ADCY2: variants seen among roughly 807,000 people sequenced by gnomAD.
ADCY2 encodes the protein adenylate cyclase 2, also known as adenylate cyclase type 2.
ADCY2 carries 31 observed loss-of-function variants against 125.2 expected under a neutral mutation model. That is an observed-to-expected ratio of 0.25 (90% CI 0.19 to 0.33). ADCY2 has a LOEUF of 0.33. Ranked by LOEUF, ADCY2 falls within the 10% of genes least tolerant of loss-of-function variation. The pLI is 1.00. For missense variants in ADCY2, 904 were observed against 1,418.2 expected, an observed-to-expected ratio of 0.64 and a Z score of 5.82; for synonymous variants, 512 against 548.4, an observed-to-expected ratio of 0.93 and a Z score of 0.93.
chr5:7,472,436 T>TAA (rs1742375809), intron 2 of ADCY2, among the ~76,000 whole-genome samples: 1 of 152,198 alleles, frequency 6.6e-6, no homozygotes, highest in African/African-American at 2.4e-5. Context: ...TCCAGTAGTC[T>TAA]TTAATATATT....
At chr5:7,822,517 T>C (rs546089053) in intron 24 of ADCY2, among the ~76,000 whole-genome samples, 2 of 152,166 alleles carry the variant, frequency 1.3e-5, no homozygotes, top group African/African-American at 4.8e-5. Context: ...GATACCAAGG[T>C]TTTATGGTCC....
In ADCY2 at chr5:7,827,547, AT is replaced by A. The variant is rs942011182; in HGVS notation, c.*677del. The A allele has an allele frequency of 1.3e-5, 2 of 152,384 alleles. No individual in the cohort carries two copies. Among genetic ancestry groups the A allele is most frequent in the African/African-American group, 4.8e-5 (2 of 41,470 alleles). 9.4% of individuals were successfully genotyped at this position (152,384 alleles called of 1,614,324 possible). On this transcript the variant is annotated 3_prime_UTR_variant, in exon 25 of 25. Coordinates refer to ENST00000338316, the MANE Select transcript of ADCY2 (RefSeq NM_020546.3). ...ATGTACTTTGATTTACAGTGCCTGT[AT>A]CTTTTATTTTCCTGTCTTCTTTCTC...
chr5:7,680,251 T>C (rs546534677), intron 4 of ADCY2, among the ~76,000 whole-genome samples: 1 of 152,292 alleles, frequency 6.6e-6, no homozygotes. Context: ...TAAAGGGTAC[T>C]AAAGTCTAGT....
At chr5:7,608,244 T>C (rs751256839) in intron 3 of ADCY2, among the ~76,000 whole-genome samples, 10 of 152,188 alleles carry the variant, frequency 6.6e-5, no homozygotes, top group Non-Finnish European at 1.3e-4. Flanking sequence ...TATCCAAAGA[T>C]CACCTGTGAG....
At position 7,727,193 on chromosome 5, in the gene ADCY2, G is replaced by C; in HGVS notation, c.1803G>C (p.Lys601Asn). 6.2e-7 allele frequency: 1 copy of C among 1,614,132 alleles called. No homozygotes were observed. Among genetic ancestry groups the C allele is most frequent in the Non-Finnish European group, 8.5e-7 (1 of 1,180,008 alleles). ...EYRATALPAFKYYVTCACLIF... is the reference protein window; with the variant it reads ...EYRATALPAFNYYVTCACLIF... ...GGGCCACGGCACTGCCAGCGTTCAAGTATTATGTGACTTGTGCCTGTCTCA... is the reference window on the plus strand; with the variant it reads ...GGGCCACGGCACTGCCAGCGTTCAACTATTATGTGACTTGTGCCTGTCTCA... The change falls in exon 14 of 25, where the codon AAG becomes AAC. Residue 601 changes from lysine to asparagine, a missense_variant. Lys to Asn is a moderately conservative substitution (Grantham distance 94). Transcript: ENST00000338316.
At chr5:7,804,034 G>T (rs945637252) in intron 21 of ADCY2, among the ~76,000 whole-genome samples, 5 of 139,692 alleles carry the variant, frequency 3.6e-5, no homozygotes, top group African/African-American at 1.4e-4. Flanking sequence ...TCCCATGGAG[G>T]GGGGAAAGAG....
Position 7,762,119 on chromosome 5 carries a change from G to A in ADCY2, c.2094+4533G>A, listed in dbSNP as rs567634833. 4.1e-4 allele frequency among the ~76,000 whole-genome samples: 62 copies of A among 152,306 alleles called. 1 individual carries two copies. Among genetic ancestry groups the A allele is most frequent in the African/African-American group, 1.4e-3 (58 of 41,560 alleles). On this transcript the variant is annotated intron_variant, in intron 16 of 24. Transcript: ENST00000338316. ...CCCACTTTTCCTGTCTATCGATTAA[G>A]GGGGAGAAGAAATCAGAGCTGCTCA...
chr5:7,555,770 G>A (rs1735489421), intron 3 of ADCY2, among the ~76,000 whole-genome samples: 1 of 151,440 alleles, frequency 6.6e-6, no homozygotes, highest in African/African-American at 2.4e-5. Context: ...TTATACATAT[G>A]TTTTCATAAT....
chr5:7,466,383 T>C (rs928350126), intron 2 of ADCY2, among the ~76,000 whole-genome samples: 5 of 152,190 alleles, frequency 3.3e-5, no homozygotes, highest in African/African-American at 1.2e-4. Context: ...CCTAGATCCC[T>C]TACACATTAA....
intron 18 of ADCY2, among the ~76,000 whole-genome samples, chr5:7,777,450 A>G (rs896670961): frequency 1.3e-5 from 2 of 152,244 alleles, no homozygotes; most frequent in African/African-American, 4.8e-5. Flanking sequence ...AGAGCCTGAC[A>G]CCAGCTTCCT....
chr5:7,505,542 G>A (rs938884378), intron 2 of ADCY2, among the ~76,000 whole-genome samples: 2 of 152,240 alleles, frequency 1.3e-5, no homozygotes, highest in African/African-American at 4.8e-5. Flanking sequence ...GACTGTGCAG[G>A]AAGATGTTAT....
At chr5:7,610,742 C>T (rs1579233499) in intron 3 of ADCY2, among the ~76,000 whole-genome samples, 1 of 152,114 alleles carries the variant, frequency 6.6e-6, no homozygotes, top group Non-Finnish European at 1.5e-5. Context: ...AGCACGGTGG[C>T]TTAGACTCCC....
intron 3 of ADCY2, 106 bp from the exon 4 acceptor site, chr5:7,626,060 TC>T (rs1159770650): frequency 1.6e-6 from 2 of 1,238,318 alleles, no homozygotes; most frequent in Admixed American, 2.4e-5. Flanking sequence ...AAAATTAACT[TC>T]CTGCAGTTAT....
At position 7,802,167 on chromosome 5, in the gene ADCY2, T is replaced by C; in HGVS notation, c.2629-51T>C. On this transcript the variant is annotated intron_variant, in intron 20 of 24. Transcript: ENST00000338316. The surrounding 1 kb of genome is among the most constrained non-coding windows in gnomAD (Gnocchi z 4.6). ...AAGCCACTTGCCTGTGGAGTGTTTC[T>C]GTTTAAAGGTCAGTCTCCTAGTGAT... is the stretch of plus-strand genomic sequence containing the variant. 1 of 1,590,236 alleles carries C rather than the reference T, an allele frequency of 6.3e-7. No individual in the cohort carries two copies. Among genetic ancestry groups the C allele is most frequent in the East Asian group, 2.2e-5 (1 of 44,638 alleles).
At chr5:7,747,218 C>T (rs1011359247) in intron 15 of ADCY2, among the ~76,000 whole-genome samples, 5 of 152,196 alleles carry the variant, frequency 3.3e-5, no homozygotes, top group African/African-American at 1.2e-4. Flanking sequence ...TGGGCCCAGC[C>T]ACCGGGCACC....
intron 1 of ADCY2, 143 bp from the exon 2 acceptor site, chr5:7,414,430 A>T: frequency 1.6e-6 from 1 of 625,954 alleles, no homozygotes; most frequent in East Asian, 3.0e-5. Context: ...TTAAATGTTC[A>T]AACTGTTCTA....
At chr5:7,723,331 A>G (rs1346713417) in intron 12 of ADCY2, among the ~76,000 whole-genome samples, 9 of 152,188 alleles carry the variant, frequency 5.9e-5, no homozygotes, top group Admixed American at 4.6e-4. Flanking sequence ...TTTTAATGGC[A>G]GTCAGTCTAG....
chr5:7,492,582 T>C (rs1743202128), intron 2 of ADCY2, among the ~76,000 whole-genome samples: 1 of 152,080 alleles, frequency 6.6e-6, no homozygotes, highest in South Asian at 2.1e-4. Flanking sequence ...AGCTGCCAGA[T>C]CTTATAGATC....
chr5:7,493,108 G>C (rs1385653507), intron 2 of ADCY2, among the ~76,000 whole-genome samples: 1 of 152,148 alleles, frequency 6.6e-6, no homozygotes, highest in Non-Finnish European at 1.5e-5. Context: ...AACCATTGAT[G>C]TAAGAGAAGG....
Sources: gnomAD v4.1 joint callset for allele counts (sites outside exome capture counted in the v4.1 genomes callset) on GRCh38, gnomAD v4.1.1 for gene constraint, Gnocchi (gnomAD v3.1) non-coding constraint, MANE v1.5 for transcripts, NCBI Gene and HGNC (gene_info 2026-07-23, HGNC 2026-07-21) for gene names.